The following CCDC198 variants were observed in gnomAD, a reference collection of about 807,000 sequenced individuals.
CCDC198 encodes factor associated with metabolism and energy.
CCDC198 carries 18 observed loss-of-function variants against 35.6 expected under a neutral mutation model. The observed-to-expected ratio is 0.51, with a 90% CI of 0.35 to 0.75. CCDC198 has a LOEUF of 0.75. Among genes scored for constraint, CCDC198 ranks in the 30% least tolerant of loss-of-function variants. The pLI is 0.01. For missense variants in CCDC198, 365 were observed against 343.7 expected (o/e 1.06, Z -0.49); for synonymous variants, 119 against 113.4 (o/e 1.05, Z -0.31).
chr14:57,492,633 A>G (rs937723805), intron 1 of CCDC198, among the ~76,000 whole-genome samples: 1 of 152,122 alleles, frequency 6.6e-6, no homozygotes, highest in Admixed American at 6.6e-5. Flanking sequence ...TTCTGCAGAC[A>G]ATAGCCATGA....
chr14:57,488,052 C>T (rs193135724), intron 2 of CCDC198, among the ~76,000 whole-genome samples: 12 of 152,168 alleles, frequency 7.9e-5, no homozygotes, highest in Non-Finnish European at 1.5e-4. Context: ...AAAGCTGAGC[C>T]GATATCCTTT....
intron 2 of CCDC198, among the ~76,000 whole-genome samples, chr14:57,483,464 A>T (rs1203931799): frequency 6.6e-6 from 1 of 152,168 alleles, no homozygotes; most frequent in Non-Finnish European, 1.5e-5. Flanking sequence ...AACCACCAGG[A>T]TCTTAGAATA....
In CCDC198 at chr14:57,483,394, A is replaced by G. The variant is rs2067251696; in HGVS notation, c.307-243T>C. 3 of 481,052 alleles carry G rather than the reference A, an allele frequency of 6.2e-6. No individual in the cohort carries two copies. In the East Asian group the frequency reaches 1.2e-4, roughly 19 times the overall value. 29.8% of individuals were successfully genotyped at this position (481,052 alleles called of 1,614,324 possible). On this transcript the variant is annotated intron_variant, in intron 2 of 5. Transcript: ENST00000216445. The stretch of plus-strand genomic sequence containing the variant: ...CCTTATTGATCTAAGTGTTGGTCAG[A>G]GAGTTAGGAGACTAAGATACTCTTC...
At chr14:57,480,370 A>G in intron 5 of CCDC198, 26 of 898,316 alleles carry the variant, frequency 2.9e-5, no homozygotes, top group Non-Finnish European at 3.3e-5. Flanking sequence ...TATTAAACCC[A>G]TACAAAGAAA....
At chr14:57,473,751 C>T (rs1358404050) in intron 5 of CCDC198, among the ~76,000 whole-genome samples, 1 of 152,176 alleles carries the variant, frequency 6.6e-6, no homozygotes, top group Non-Finnish European at 1.5e-5. Flanking sequence ...CACTCTCCTG[C>T]CTTATCAGTG....
intron 5 of CCDC198, 110 bp from the exon 6 acceptor site, chr14:57,471,700 A>C: frequency 6.3e-6 from 2 of 316,190 alleles, no homozygotes; most frequent in South Asian, 8.3e-5. Flanking sequence ...AACTATATAT[A>C]CATAGTTTGA....
At chr14:57,490,426 A>G (rs963080812) in intron 2 of CCDC198, among the ~76,000 whole-genome samples, 1 of 152,156 alleles carries the variant, frequency 6.6e-6, no homozygotes, top group Non-Finnish European at 1.5e-5. Flanking sequence ...TAGAACAATA[A>G]AAGGTTAAAG....
At chr14:57,475,117 C>T (rs1231977737) in intron 5 of CCDC198, among the ~76,000 whole-genome samples, 8 of 151,594 alleles carry the variant, frequency 5.3e-5, no homozygotes, top group African/African-American at 1.2e-4. Context: ...AAAAATTAGC[C>T]GGGCATGGTG....
At chr14:57,482,033 C>T (rs1198630880) in intron 3 of CCDC198, among the ~76,000 whole-genome samples, 2 of 152,180 alleles carry the variant, frequency 1.3e-5, no homozygotes, top group African/African-American at 4.8e-5. Context: ...CTCCCTGCCT[C>T]TTTTACCATT....
intron 5 of CCDC198, chr14:57,475,681 T>A: frequency 2.5e-6 from 1 of 404,384 alleles, no homozygotes; most frequent in South Asian, 1.7e-5. Flanking sequence ...CACTCCAGCC[T>A]GGGTAACAGG....
chr14:57,484,500 C>T (rs527916323), intron 2 of CCDC198, among the ~76,000 whole-genome samples: 1 of 152,248 alleles, frequency 6.6e-6, no homozygotes, highest in East Asian at 1.9e-4. Context: ...TTCTAGCAAA[C>T]TAAGGCAGGA....
In CCDC198 at chr14:57,473,278, G is replaced by A. The variant is rs963210256; in HGVS notation, c.656-1688C>T. Among the ~76,000 whole-genome samples, 3 of 152,156 alleles carry A rather than the reference G, an allele frequency of 2.0e-5. No individual in the cohort carries two copies. In the East Asian group the frequency reaches 5.8e-4, roughly 29 times the overall value. On this transcript the variant is annotated intron_variant, in intron 5 of 5. Transcript: ENST00000216445. ...GCAGATAACCATCTTAACGTCTGCA[G>A]CCCTGATCTCTTTCCTAAGCTACAA... is the stretch of plus-strand genomic sequence containing the variant.
chr14:57,479,761 T>C (rs2067120734), intron 5 of CCDC198, among the ~76,000 whole-genome samples: 1 of 152,182 alleles, frequency 6.6e-6, no homozygotes, highest in Non-Finnish European at 1.5e-5. Context: ...GTACTGGGCA[T>C]AACCCCTGCA....
intron 3 of CCDC198, 37 bp downstream of exon 3, chr14:57,483,028 C>T (rs1176069516): frequency 2.5e-6 from 4 of 1,613,424 alleles, no homozygotes; most frequent in Non-Finnish European, 1.7e-6. Flanking sequence ...CGCCCACCCC[C>T]AGTTCACCTC....
chr14:57,491,260 A>G (rs60624365), intron 1 of CCDC198, among the ~76,000 whole-genome samples, 189 bp from the exon 2 acceptor site: 10,114 of 152,140 alleles, frequency 0.066, 1,075 homozygotes, highest in African/African-American at 0.22. Flanking sequence ...ACATGACACT[A>G]TTTTAGTCTG....
intron 3 of CCDC198, among the ~76,000 whole-genome samples, chr14:57,481,889 A>G (rs568521114): frequency 2.6e-4 from 39 of 152,330 alleles, no homozygotes; most frequent in South Asian, 6.2e-4. Flanking sequence ...TTAGGTTGCT[A>G]TAGAGTTTTG....
chr14:57,481,526 A>G, intron 4 of CCDC198, 33 bp downstream of exon 4: 1 of 1,461,080 alleles, frequency 6.8e-7, no homozygotes, highest in Non-Finnish European at 9.6e-7. Context: ...TGTGATGAAA[A>G]TTTGGTAAAT....
intron 5 of CCDC198, chr14:57,478,381 C>T: frequency 1.2e-6 from 1 of 834,190 alleles, no homozygotes; most frequent in Non-Finnish European, 1.4e-6. Flanking sequence ...CTCCTACCTT[C>T]TAGGTTGTGT....
chr14:57,480,617 A>T lies in CCDC198; in HGVS notation c.633T>A (p.Asp211Glu). ...CACCGGGACCTCTGTTCAAGATTTC[A>T]TCAGGCAACATGGTTAGAAGGTCAT... ...DDHDLLTMLP[D>E]EILNRGPGNS... The change falls in exon 5 of 6, where the codon GAT becomes GAA. Residue 211 changes from aspartate to glutamate, a missense_variant. Coordinates refer to ENST00000216445, the MANE Select transcript of CCDC198 (RefSeq NM_018168.4). The T allele has an allele frequency of 6.2e-7, 1 of 1,614,118 alleles. No individual in the cohort carries two copies. The highest frequency in any genetic ancestry group is 1.1e-5 in the South Asian group (1 of 91,052).
Sources: gnomAD v4.1 joint callset for allele counts (sites outside exome capture counted in the v4.1 genomes callset) on GRCh38, gnomAD v4.1.1 for gene constraint, MANE v1.5 for transcripts, NCBI Gene and HGNC (gene_info 2026-07-23, HGNC 2026-07-21) for gene names.